ENTPD1: variants seen among roughly 807,000 people sequenced by gnomAD.
The protein encoded by ENTPD1 is ATP diphosphohydrolase.
ENTPD1 carries 33 observed loss-of-function variants against 57.0 expected under a neutral mutation model. That is an observed-to-expected ratio of 0.58 (90% CI 0.44 to 0.77). The LOEUF (loss-of-function observed/expected upper bound fraction) is 0.77. Ranked by LOEUF, ENTPD1 falls within the 30% of genes least tolerant of loss-of-function variation. The pLI, the probability that ENTPD1 is intolerant of heterozygous loss-of-function variation, is 0.00. For missense variants in ENTPD1, 501 were observed against 603.4 expected, an observed-to-expected ratio of 0.83 and a Z score of 1.78; for synonymous variants, 202 against 218.8, an observed-to-expected ratio of 0.92 and a Z score of 0.68.
chr10:95,845,392 C>A lies in ENTPD1; in HGVS notation c.609C>A (p.Thr203=). ...TRWFSIVPYE[T]NNQETFGALD... ...GGTTCAGCATAGTCCCATATGAAAC[C>A]AATAATCAGGAAACCTTTGGAGCTT... The change falls in exon 6 of 10, where the codon ACC becomes ACA. Residue 203 remains threonine (T), a synonymous_variant. Transcript: ENST00000371205. 1.2e-6 allele frequency: 2 copies of A among 1,614,180 alleles called. No individual in the cohort carries two copies. The highest frequency in any genetic ancestry group is 2.2e-5 in the South Asian group (2 of 91,072).
chr10:95,755,698 A>T, upstream of ENTPD1: 1 of 1,537,222 alleles, frequency 6.5e-7, no homozygotes, highest in Non-Finnish European at 8.7e-7. Flanking sequence ...ATTGCTGGTC[A>T]TGGGACCAGA....
intron 1 of ENTPD1, among the ~76,000 whole-genome samples, chr10:95,774,309 A>T (rs552521087): frequency 2.6e-5 from 4 of 152,152 alleles, no homozygotes; most frequent in South Asian, 4.1e-4. Context: ...TAGTTTCTTT[A>T]GCTGTGCAGA....
At chr10:95,790,426 C>T (rs1036256709) in intron 1 of ENTPD1, among the ~76,000 whole-genome samples, 3 of 152,112 alleles carry the variant, frequency 2.0e-5, no homozygotes, top group East Asian at 1.9e-4. Context: ...TTTTCAACTC[C>T]GTGGAGGTCA....
At position 95,866,360 on chromosome 10, in the gene ENTPD1, T is replaced by A; in HGVS notation, c.1510T>A (p.Tyr504Asn). The change falls in exon 10 of 10, where the codon TAT becomes AAT. Residue 504 changes from tyrosine to asparagine, a missense_variant. Coordinates refer to ENST00000371205, the MANE Select transcript of ENTPD1 (RefSeq NM_001776.6). Reference sequence around the variant, plus strand: ...CTTGCTTATCTTTCACAAGCCTTCATATTTCTGGAAAGATATGGTATAGCA... The same window carrying A: ...CTTGCTTATCTTTCACAAGCCTTCAAATTTCTGGAAAGATATGGTATAGCA... ...IGLLIFHKPS[Y>N]FWKDMV 6.2e-7 allele frequency: 1 copy of A among 1,614,170 alleles called. No individual in the cohort carries two copies. Among genetic ancestry groups the A allele is most frequent in the Non-Finnish European group, 8.5e-7 (1 of 1,180,030 alleles).
Position 95,870,218 on chromosome 10 carries a change from T to A in ENTPD1, c.*3835T>A. ...GACAAGAGACCTTGGGAAAGTTTCA[T>A]CTGGATTTAAAGATTAATTCTTGAT... On this transcript the variant is annotated 3_prime_UTR_variant, in exon 10 of 10. Transcript: ENST00000371205. The A allele has an allele frequency of 1.0e-6, 1 of 985,454 alleles. No homozygotes were observed. 61.0% of individuals were successfully genotyped at this position (985,454 alleles called of 1,614,324 possible).
intron 7 of ENTPD1, among the ~76,000 whole-genome samples, chr10:95,858,020 T>C (rs1310814388): frequency 1.3e-5 from 2 of 151,640 alleles, no homozygotes; most frequent in African/African-American, 4.9e-5. Context: ...TAGCCGGGCG[T>C]GGTGGCAGGC....
intron 1 of ENTPD1, among the ~76,000 whole-genome samples, chr10:95,808,615 G>C (rs2098282502): frequency 6.6e-6 from 1 of 152,054 alleles, no homozygotes; most frequent in Non-Finnish European, 1.5e-5. Context: ...CTTCATCACT[G>C]TAGGGGAAAA....
intron 1 of ENTPD1, among the ~76,000 whole-genome samples, chr10:95,757,984 G>A (rs577347865): frequency 5.3e-5 from 6 of 112,802 alleles, no homozygotes; most frequent in East Asian, 5.1e-4. Context: ...CAGCCTGGGC[G>A]AGAGTGAGAC....
chr10:95,812,848 A>AC (rs1566184468), intron 1 of ENTPD1, among the ~76,000 whole-genome samples: 1 of 152,108 alleles, frequency 6.6e-6, no homozygotes, highest in Admixed American at 6.6e-5. Context: ...TCTGAAAATT[A>AC]TTTTTTTCAT....
chr10:95,851,232 A>G (rs918757296), intron 7 of ENTPD1, among the ~76,000 whole-genome samples: 3 of 151,092 alleles, frequency 2.0e-5, no homozygotes, highest in Admixed American at 6.6e-5. Context: ...AAATGTGTGT[A>G]TATTTATATT....
At chr10:95,821,996 C>CTTT (rs71034351) in intron 1 of ENTPD1, among the ~76,000 whole-genome samples, 3,493 of 92,578 alleles carry the variant, frequency 0.038, 118 homozygotes, top group Non-Finnish European at 0.051. Flanking sequence ...TAGCTTTTGC[C>CTTT]TTTTTTTTTT....
Position 95,876,631 on chromosome 10 carries a change from T to C in ENTPD1, c.*10248T>C. The stretch of plus-strand genomic sequence containing the variant: ...CCTGCAGTGAAGTCTGTTTGAAGGA[T>C]GTATTTGGCTGTCTTCTGGACAGGC... On this transcript the variant is annotated 3_prime_UTR_variant, in exon 10 of 10. Transcript: ENST00000371205. 1 of 1,229,284 alleles carries C rather than the reference T, an allele frequency of 8.1e-7. No homozygotes were observed. The highest frequency in any genetic ancestry group is 3.2e-5 in the East Asian group (1 of 31,574). The allele number at this position is 1,229,284 out of a possible 1,614,324, so 76.1% of individuals were successfully genotyped here.
rs1354332215 is a variant in ENTPD1, at chr10:95,870,595, T to C, written c.*4212T>C. The C allele has an allele frequency of 2.0e-6, 2 of 985,454 alleles. No homozygotes were observed. Among genetic ancestry groups the C allele is most frequent in the African/African-American group, 1.7e-5 (1 of 57,366 alleles). 61.0% of individuals were successfully genotyped at this position (985,454 alleles called of 1,614,324 possible). A position where few individuals can be genotyped will look rare whatever the true frequency, so the allele number is the denominator to read the frequency against. ...CACCTGGCCAAGATGAATATTTTAA[T>C]AGCTCACAGAACAAAGTTTGCCACA... On this transcript the variant is annotated 3_prime_UTR_variant, in exon 10 of 10. Coordinates refer to ENST00000371205, the MANE Select transcript of ENTPD1 (RefSeq NM_001776.6).
rs1425059038 is a variant in ENTPD1, at chr10:95,732,707, C to T, written c.37+20714C>T. Among the ~76,000 whole-genome samples, 4 of 151,812 alleles carry T rather than the reference C, an allele frequency of 2.6e-5. No homozygotes were observed. The East Asian group carries it at 7.8e-4, about 29-fold the overall frequency. ...GTCGGAGAAATAAAGGGAAAGAGTA[C>T]AAAAGAGAGAAATTTTAAAGCTGGG... On this transcript the variant is annotated intron_variant, in intron 1 of 9. Transcript: ENST00000453258.
At chr10:95,820,493 G>A (rs1406595760) in intron 1 of ENTPD1, among the ~76,000 whole-genome samples, 3 of 152,170 alleles carry the variant, frequency 2.0e-5, no homozygotes, top group Admixed American at 6.5e-5. Context: ...AAATTTTCTC[G>A]TTAGGAAAAG....
At chr10:95,847,764 G>T in intron 7 of ENTPD1, 58 bp downstream of exon 7, 1 of 1,609,500 alleles carries the variant, frequency 6.2e-7, no homozygotes, top group Non-Finnish European at 8.5e-7. Context: ...TAGAATATGT[G>T]CCTACAAAAG....
chr10:95,828,899 C>T (rs900469172), intron 2 of ENTPD1, among the ~76,000 whole-genome samples: 52 of 151,996 alleles, frequency 3.4e-4, no homozygotes, highest in Admixed American at 1.0e-3. Flanking sequence ...TTACTAGAGA[C>T]GGGGTTTCTC....
chr10:95,735,090 G>A (rs1245704825), intron 1 of ENTPD1, among the ~76,000 whole-genome samples: 1 of 149,440 alleles, frequency 6.7e-6, no homozygotes, highest in African/African-American at 2.5e-5. Context: ...GGAGTGCAGT[G>A]GCACAATCTT....
At chr10:95,814,862 C>A (rs912350433) in intron 1 of ENTPD1, among the ~76,000 whole-genome samples, 1 of 152,158 alleles carries the variant, frequency 6.6e-6, no homozygotes, top group South Asian at 2.1e-4. Context: ...TTCTCACCCC[C>A]ACCCCTTCCC....
Sources: allele counts gnomAD v4.1 joint callset (sites outside exome capture counted in the v4.1 genomes callset), GRCh38; gene constraint gnomAD v4.1.1; transcripts MANE v1.5; gene names NCBI Gene and HGNC (gene_info 2026-07-23, HGNC 2026-07-21).